The following MAP3K20 variants were observed in gnomAD, a reference collection of about 807,000 sequenced individuals.
MAP3K20 encodes the protein HCCS-4.
In MAP3K20, 40 loss-of-function variants were observed where a neutral mutation model predicts 85.7. That is an observed-to-expected ratio of 0.47 (90% CI 0.36 to 0.61). The LOEUF is 0.61. Among genes scored for constraint, MAP3K20 ranks in the 20% least tolerant of loss-of-function variants. The pLI is 0.00. For missense variants in MAP3K20, 817 were observed against 961.7 expected (o/e 0.85, Z 1.99); for synonymous variants, 325 against 327.7 (o/e 0.99, Z 0.09).
chr2:173,136,960 A>G (rs1688815026), intron 2 of MAP3K20, among the ~76,000 whole-genome samples: 1 of 152,210 alleles, frequency 6.6e-6, no homozygotes, highest in Non-Finnish European at 1.5e-5. Context: ...TTGTCTTTCA[A>G]ACCTGCAACA....
chr2:173,196,268 G>A (rs1341991782), intron 7 of MAP3K20, among the ~76,000 whole-genome samples: 1 of 152,160 alleles, frequency 6.6e-6, no homozygotes, highest in Non-Finnish European at 1.5e-5. Context: ...CCCCTGTGGA[G>A]TGGTAATTGC....
In MAP3K20 at chr2:173,232,207, C is replaced by T; in HGVS notation, c.1048C>T (p.Gln350Ter). The change falls in exon 13 of 20, where the codon CAG becomes TAG. Residue 350 changes from glutamine (Q) to a stop codon, truncating the protein, a stop_gained. Coordinates refer to ENST00000375213, the MANE Select transcript of MAP3K20 (RefSeq NM_016653.3). LOFTEE classifies it high-confidence loss of function. ...TCTTTCACAGTATTGTTGGGTTCAGCAGCTCGTCAGAAAAGGCAAGTGGAA... is the reference window on the plus strand; with the variant it reads ...TCTTTCACAGTATTGTTGGGTTCAGTAGCTCGTCAGAAAAGGCAAGTGGAA... ...TEDDVYCWVQ[Q>*]LVRKGDSSAE... is the part of the protein sequence containing the mutation. The T allele has an allele frequency of 6.2e-7, 1 of 1,614,210 alleles. No homozygotes were observed. The highest frequency in any genetic ancestry group is 8.5e-7 in the Non-Finnish European group (1 of 1,180,034).
intron 18 of MAP3K20, among the ~76,000 whole-genome samples, chr2:173,261,846 A>G (rs1026904991): frequency 6.6e-6 from 1 of 151,902 alleles, no homozygotes; most frequent in East Asian, 1.9e-4. Context: ...ATGAAACCCT[A>G]TCTCTACAAA....
At chr2:173,099,262 CT>C (rs759567588) in intron 2 of MAP3K20, among the ~76,000 whole-genome samples, 12 of 142,514 alleles carry the variant, frequency 8.4e-5, no homozygotes, top group East Asian at 6.1e-4. Flanking sequence ...ACTTTCCGGC[CT>C]TTTTTTTTTC....
chr2:173,081,861 T>C (rs1220479139), intron 1 of MAP3K20, among the ~76,000 whole-genome samples: 2 of 151,934 alleles, frequency 1.3e-5, no homozygotes, highest in Non-Finnish European at 2.9e-5. Flanking sequence ...AGGGTTGGAG[T>C]GGGTCTTAAA....
intron 16 of MAP3K20, among the ~76,000 whole-genome samples, chr2:173,250,623 A>G (rs1263137461): frequency 1.3e-5 from 2 of 152,210 alleles, no homozygotes; most frequent in African/African-American, 4.8e-5. Flanking sequence ...AGGATATCAC[A>G]GTGGTGCCAA....
intron 7 of MAP3K20, among the ~76,000 whole-genome samples, chr2:173,196,828 G>A (rs964534092): frequency 7.2e-5 from 11 of 152,036 alleles, no homozygotes; most frequent in Admixed American, 1.3e-4. Flanking sequence ...AGGGCCTGTC[G>A]CATTCTCTCA....
chr2:173,208,026 AATTC>A (rs1683748149), intron 9 of MAP3K20, among the ~76,000 whole-genome samples: 1 of 152,152 alleles, frequency 6.6e-6, no homozygotes, highest in Non-Finnish European at 1.5e-5. Flanking sequence ...ATTCTTTAAA[AATTC>A]ATTAGCTCTT....
intron 10 of MAP3K20, among the ~76,000 whole-genome samples, chr2:173,213,060 ATAT>A (rs1273961701): frequency 2.6e-5 from 4 of 152,106 alleles, no homozygotes; most frequent in Non-Finnish European, 5.9e-5. Context: ...AAATAAATAT[ATAT>A]TATTGTGTAT....
At chr2:173,105,857 G>T (rs953634153) in intron 2 of MAP3K20, among the ~76,000 whole-genome samples, 2 of 152,178 alleles carry the variant, frequency 1.3e-5, no homozygotes, top group Non-Finnish European at 2.9e-5. Context: ...ACAACAGTGT[G>T]AGTGTAATTA....
At chr2:173,246,698 C>T (rs1018441086) in intron 16 of MAP3K20, among the ~76,000 whole-genome samples, 13 of 152,140 alleles carry the variant, frequency 8.5e-5, no homozygotes, top group Admixed American at 4.6e-4. Flanking sequence ...AGACTTTGTT[C>T]CTTGCATCCT....
At chr2:173,229,396 A>G (rs1440523316) in intron 11 of MAP3K20, among the ~76,000 whole-genome samples, 1 of 152,224 alleles carries the variant, frequency 6.6e-6, no homozygotes, top group African/African-American at 2.4e-5. Context: ...AAAATGTCAG[A>G]AATTGCTTGA....
chr2:173,180,536 C>T (rs1408535764), intron 3 of MAP3K20, among the ~76,000 whole-genome samples: 3 of 151,976 alleles, frequency 2.0e-5, no homozygotes, highest in Non-Finnish European at 4.4e-5. Flanking sequence ...AATTAGCCAG[C>T]GTGGTGATGT....
chr2:173,091,923 G>A (rs1687311920), intron 2 of MAP3K20, among the ~76,000 whole-genome samples: 1 of 152,232 alleles, frequency 6.6e-6, no homozygotes, highest in Non-Finnish European at 1.5e-5. Context: ...GGACTCAGCA[G>A]CATTGATAAC....
intron 4 of MAP3K20, among the ~76,000 whole-genome samples, chr2:173,183,313 A>G: frequency 6.6e-6 from 1 of 152,212 alleles, no homozygotes; most frequent in South Asian, 2.1e-4. Flanking sequence ...ACTTAGACTC[A>G]GTATCCAGAA....
At chr2:173,225,599 A>AC (rs1034428679) in intron 11 of MAP3K20, 70 of 962,356 alleles carry the variant, frequency 7.3e-5, no homozygotes, top group South Asian at 6.9e-4. Flanking sequence ...ATCTCAAAAA[A>AC]AAAAAAAAAC....
intron 17 of MAP3K20, among the ~76,000 whole-genome samples, chr2:173,260,293 A>T (rs1685257782): frequency 6.6e-6 from 1 of 152,150 alleles, no homozygotes; most frequent in Non-Finnish European, 1.5e-5. Context: ...ACTTGAACCC[A>T]GGAGGAAGAG....
At chr2:173,144,137 A>G (rs1689054930) in intron 2 of MAP3K20, among the ~76,000 whole-genome samples, 2 of 152,024 alleles carry the variant, frequency 1.3e-5, no homozygotes, top group South Asian at 4.2e-4. Context: ...CTCTACAAAA[A>G]AAATAAAAAT....
chr2:173,143,369 A>G (rs1332052179), intron 2 of MAP3K20, among the ~76,000 whole-genome samples: 2 of 152,244 alleles, frequency 1.3e-5, no homozygotes, highest in Non-Finnish European at 2.9e-5. Flanking sequence ...CTAGAAAAAG[A>G]AATAGACAAA....
Sources: gnomAD v4.1 joint callset for allele counts (sites outside exome capture counted in the v4.1 genomes callset) on GRCh38, gnomAD v4.1.1 for gene constraint, MANE v1.5 for transcripts, NCBI Gene and HGNC (gene_info 2026-07-23, HGNC 2026-07-21) for gene names.